Variants in ATP6AP1 observed in about 807,000 individuals in gnomAD.
ATP6AP1 encodes ATPase H+ transporting accessory protein 1.
A neutral mutation model predicts 32.0 loss-of-function variants in ATP6AP1; 1 was observed. The ratio of observed to expected loss-of-function variants is 0.03; its 90% CI spans 0.01 to 0.15. The LOEUF (loss-of-function observed/expected upper bound fraction) is 0.15. Ranked by LOEUF, ATP6AP1 falls within the 10% of genes least tolerant of loss-of-function variation. The probability of loss-of-function intolerance (pLI) is 1.00; values close to 1 mark genes in which losing one functional copy is unlikely to be tolerated. For missense variants in ATP6AP1, 297 were observed against 398.8 expected (o/e 0.74, Z 2.17); for synonymous variants, 187 against 174.9 (o/e 1.07, Z -0.55).
At position 154,431,780 on chromosome X, in the gene ATP6AP1, C is replaced by A. The variant is rs375583062; in HGVS notation, c.289-50C>A. ...GAAGGTGGCTGTCCCCTGCCTTGGC[C>A]CCCATCACTTGCCAAACCTCCTCAG... is the stretch of plus-strand genomic sequence containing the variant. On this transcript the variant is annotated intron_variant, in intron 2 of 9. Coordinates refer to ENST00000369762, the MANE Select transcript of ATP6AP1 (RefSeq NM_001183.6). 5.2e-6 allele frequency: 6 copies of A among 1,163,707 alleles called. No individual in the cohort carries two copies. In the East Asian group the frequency reaches 1.2e-4, roughly 23 times the overall value.
chrX:154,428,888 T>C, intron 1 of ATP6AP1, 35 bp downstream of exon 1: 1 of 1,085,942 alleles, frequency 9.2e-7, no homozygotes, highest in Non-Finnish European at 1.2e-6. Flanking sequence ...CTGTGGCGGC[T>C]GAGGCGCCCT....
At chrX:154,431,052 C>T (rs1457760840) in intron 2 of ATP6AP1, 2 of 111,039 alleles carry the variant, frequency 1.8e-5, no homozygotes, top group Non-Finnish European at 3.8e-5. Context: ...TTAAAGAAAG[C>T]CCACAGGACC....
rs782083925 is a variant in ATP6AP1, at chrX:154,430,635, A to G, written c.289-1195A>G. The G allele has an allele frequency of 5.4e-4, 61 of 111,981 alleles. 1 individual carries two copies. Among genetic ancestry groups the G allele is most frequent in the African/African-American group, 1.9e-3 (59 of 30,806 alleles). 9.2% of individuals were successfully genotyped at this position (111,981 alleles called of 1,213,427 possible). ...GGTGGCCAGTAAATACTAAGTCGGTATAGGATATGATGTCAGTGTTACGGC... is the reference window on the plus strand; with the variant it reads ...GGTGGCCAGTAAATACTAAGTCGGTGTAGGATATGATGTCAGTGTTACGGC... On this transcript the variant is annotated intron_variant, in intron 2 of 9. Coordinates refer to ENST00000369762, the MANE Select transcript of ATP6AP1 (RefSeq NM_001183.6).
Position 154,434,318 on chromosome X carries a change from C to T in ATP6AP1, c.795C>T (p.Pro265=). 4 of 1,211,833 alleles carry T rather than the reference C, an allele frequency of 3.3e-6. No homozygotes were observed. The highest frequency in any genetic ancestry group is 2.2e-5 in the Admixed American group (1 of 46,072). Residue 265 remains proline, a synonymous_variant, in exon 7 of 10, where the codon CCC becomes CCT. Coordinates refer to ENST00000369762, the MANE Select transcript of ATP6AP1 (RefSeq NM_001183.6). ...HPPVSYNDTA[P]RILFWAQNFS... ...CTGTGAGTTACAATGACACCGCTCCCCGGATCCTGTTCTGGGCCCAAAACT... is the reference window on the plus strand; with the variant it reads ...CTGTGAGTTACAATGACACCGCTCCTCGGATCCTGTTCTGGGCCCAAAACT...
At chrX:154,431,778 G>GCC in intron 2 of ATP6AP1, 52 bp from the exon 3 acceptor site, 1 of 1,158,860 alleles carries the variant, frequency 8.6e-7, no homozygotes, top group Non-Finnish European at 1.2e-6. Flanking sequence ...CCCTGCCTTG[G>GCC]CCCCCATCAC....
chrX:154,436,164 G>A lies in ATP6AP1; in HGVS notation c.*273G>A, dbSNP rs1329681467. On this transcript the variant is annotated 3_prime_UTR_variant, in exon 10 of 10. Coordinates refer to ENST00000369762, the MANE Select transcript of ATP6AP1 (RefSeq NM_001183.6). Reference sequence around the variant, plus strand: ...AGGCGTAAGGGACATGAATTCTAGGGTCTCCTTTCTCCTTATTTATTCTTG... The same window carrying A: ...AGGCGTAAGGGACATGAATTCTAGGATCTCCTTTCTCCTTATTTATTCTTG... 1.6e-5 allele frequency: 6 copies of A among 377,569 alleles called. No homozygotes were observed. The highest frequency in any genetic ancestry group is 1.5e-4 in the African/African-American group (6 of 39,472). The allele number at this position is 377,569 out of a possible 1,213,427, so 31.1% of individuals were successfully genotyped here. A position where few individuals can be genotyped will look rare whatever the true frequency, so the allele number is the denominator to read the frequency against.
intron 2 of ATP6AP1, chrX:154,430,012 C>T (rs2068685177): frequency 8.9e-6 from 1 of 112,082 alleles, no homozygotes; most frequent in Non-Finnish European, 1.9e-5. Flanking sequence ...ATGTAACCAG[C>T]CATTGGAGGC....
intron 3 of ATP6AP1, 64 bp from the exon 4 acceptor site, chrX:154,432,202 G>T: frequency 9.6e-7 from 1 of 1,041,806 alleles, no homozygotes; most frequent in South Asian, 2.2e-5. Flanking sequence ...AGAGAGGTGT[G>T]GGGGGCTGGG....
rs376661461 is a variant in ATP6AP1 at position 154,435,518 on chromosome X, C to T, written c.1203+13C>T. 4 of 1,204,189 alleles carry T rather than the reference C, an allele frequency of 3.3e-6. No homozygotes were observed. The highest frequency in any genetic ancestry group is 3.5e-5 in the South Asian group (2 of 56,755). ...TCAGGACTTCCAGGTATGGAGCGGG[C>T]GTGGCCCAGCTTCAGGTGGGGGAGC... On this transcript the variant is annotated intron_variant, in intron 9 of 9. Transcript: ENST00000369762.
At position 154,433,728 on chromosome X, in the gene ATP6AP1, C is replaced by T. The variant is rs2068705811; in HGVS notation, c.684+8C>T. The T allele has an allele frequency of 4.1e-6, 5 of 1,205,329 alleles. No homozygotes were observed. In the African/African-American group the frequency reaches 8.8e-5, roughly 21 times the overall value. ...GCGGTCCGCCCTTCCAGGGTATGTG[C>T]CCTTCCAGCAGGGGCTCTGGGGCGT... On this transcript the variant is annotated splice_region_variant and intron_variant, in intron 6 of 9. Transcript: ENST00000369762.
intron 2 of ATP6AP1, chrX:154,430,974 C>T (rs1557196685): frequency 9.0e-6 from 1 of 110,835 alleles, no homozygotes; most frequent in Non-Finnish European, 1.9e-5. Context: ...GGGGGAAGGT[C>T]AGTTGCAGTT....
Position 154,434,215 on chromosome X carries a change from G to A in ATP6AP1, c.692G>A (p.Arg231His), listed in dbSNP as rs781947223. ...LTAVRPSRVA[R>H]DVAVVAGGLG... ...GGTTGGGTGTTTCTGCAGGTGGCCC[G>A]TGATGTAGCCGTGGTGGCCGGAGGG... Residue 231 changes from arginine to histidine, a missense_variant, in exon 7 of 10, where the codon CGT (arginine) becomes CAT (histidine). Physicochemically the swap from Arg to His is conservative, Grantham distance 29. Coordinates refer to ENST00000369762, the MANE Select transcript of ATP6AP1 (RefSeq NM_001183.6). 1.8e-5 allele frequency: 22 copies of A among 1,211,579 alleles called. No individual in the cohort carries two copies. The highest frequency in any genetic ancestry group is 2.3e-5 in the Non-Finnish European group (21 of 895,242).
rs782606249 is a variant in ATP6AP1, at chrX:154,432,454, A to G, written c.552A>G (p.Thr184=). 7 of 1,177,524 alleles carry G rather than the reference A, an allele frequency of 5.9e-6. No homozygotes were observed. The East Asian group carries it at 2.2e-4, about 36-fold the overall frequency. The change falls in exon 4 of 10, where the codon ACA becomes ACG. Residue 184 remains threonine (T), a synonymous_variant. Coordinates refer to ENST00000369762, the MANE Select transcript of ATP6AP1 (RefSeq NM_001183.6). Reference sequence around the variant, plus strand: ...TGCTGCTCATTCGCCTGCCCTACACAGCCAGGTACTGCCCGCATGGCCCAG... The same window carrying G: ...TGCTGCTCATTCGCCTGCCCTACACGGCCAGGTACTGCCCGCATGGCCCAG... ...PALLLIRLPY[T]ASSGLMAPRE...
intron 4 of ATP6AP1, among the ~76,000 whole-genome samples, 157 bp from the exon 5 acceptor site, chrX:154,432,774 G>A (rs1033150607): frequency 8.0e-5 from 9 of 111,813 alleles, no homozygotes; most frequent in African/African-American, 2.3e-4. Flanking sequence ...GAGAAGCCTC[G>A]GGGTGGGATG....
chrX:154,430,136 C>T (rs1385051826), intron 2 of ATP6AP1: 9 of 101,534 alleles, frequency 8.9e-5, no homozygotes, highest in Admixed American at 3.2e-4. Context: ...GACGGAGTCT[C>T]GCTCTGTTGC....
At chrX:154,431,686 A>G (rs2068694206) in intron 2 of ATP6AP1, 144 bp from the exon 3 acceptor site, 2 of 532,368 alleles carry the variant, frequency 3.8e-6, no homozygotes, top group East Asian at 3.4e-5. Flanking sequence ...CCCCACCAAC[A>G]CACAGTTGTG....
chrX:154,432,617 G>A (rs782177963), intron 4 of ATP6AP1, among the ~76,000 whole-genome samples, 158 bp downstream of exon 4: 3 of 112,661 alleles, frequency 2.7e-5, no homozygotes, highest in South Asian at 7.3e-4. Context: ...AAGAGGAGGG[G>A]AGGGCCTCTT....
At chrX:154,431,668 C>T (rs1477210078) in intron 2 of ATP6AP1, 162 bp from the exon 3 acceptor site, 6 of 504,398 alleles carry the variant, frequency 1.2e-5, no homozygotes, top group African/African-American at 2.4e-5. Flanking sequence ...GTGAGTCTCC[C>T]ACCCCACCCC....
chrX:154,432,908 G>T (rs1557197070), intron 4 of ATP6AP1, 23 bp from the exon 5 acceptor site: 1 of 1,211,483 alleles, frequency 8.3e-7, no homozygotes. Context: ...TGAGGACTCT[G>T]GCGCTCTGTT....
Sources: gnomAD v4.1 joint callset for allele counts (sites outside exome capture counted in the v4.1 genomes callset) on GRCh38, gnomAD v4.1.1 for gene constraint, MANE v1.5 for transcripts, NCBI Gene and HGNC (gene_info 2026-07-23, HGNC 2026-07-21) for gene names.